CCDC7: variants seen among roughly 807,000 people sequenced by gnomAD.
The protein encoded by CCDC7 is coiled-coil domain containing 7.
CCDC7 carries 183 observed loss-of-function variants against 196.9 expected under a neutral mutation model. The ratio of observed to expected loss-of-function variants is 0.93; its 90% CI spans 0.82 to 1.05. CCDC7 has a LOEUF of 1.05. CCDC7 is among the 50% of genes least tolerant of loss of function. CCDC7 has a pLI of 0.00. For missense variants in CCDC7, 1,540 were observed against 1,482.2 expected (o/e 1.04, Z -0.64); for synonymous variants, 525 against 484.6 (o/e 1.08, Z -1.10).
intron 8 of CCDC7, among the ~76,000 whole-genome samples, chr10:32,480,683 A>T (rs568846158): frequency 6.6e-6 from 1 of 151,962 alleles, no homozygotes; most frequent in Non-Finnish European, 1.5e-5. Flanking sequence ...TCAGTTATTG[A>T]TTTCTAGTTT....
Position 32,787,431 on chromosome 10 carries a change from G to A in CCDC7, c.3013+8347G>A, listed in dbSNP as rs564171844. Among the ~76,000 whole-genome samples, 4 of 152,324 alleles carry A rather than the reference G, an allele frequency of 2.6e-5. No individual in the cohort carries two copies. In the East Asian group the frequency reaches 7.7e-4, roughly 29 times the overall value. ...TAAAGAAACCAGATGAGAGATTACA[G>A]CACTTGAATGTAACGCAGATGTAAG... On this transcript the variant is annotated intron_variant, in intron 29 of 41. Transcript: ENST00000639629.
chr10:32,627,122 C>T (rs1367155079), intron 18 of CCDC7, among the ~76,000 whole-genome samples: 1 of 151,484 alleles, frequency 6.6e-6, no homozygotes, highest in African/African-American at 2.4e-5. Context: ...ATTGCGTTGA[C>T]ACTATAGATT....
At chr10:32,557,983 A>AT (rs2054640475) in intron 13 of CCDC7, among the ~76,000 whole-genome samples, 1 of 152,134 alleles carries the variant, frequency 6.6e-6, no homozygotes, top group South Asian at 2.1e-4. Flanking sequence ...GTGGGCATGC[A>AT]TTTTTTATAG....
At chr10:32,802,924 G>T (rs2085093964) in intron 29 of CCDC7, among the ~76,000 whole-genome samples, 1 of 152,206 alleles carries the variant, frequency 6.6e-6, no homozygotes, top group African/African-American at 2.4e-5. Flanking sequence ...TGCCCACCCA[G>T]ATTGAGAGTG....
chr10:32,705,093 T>A (rs541834730), intron 24 of CCDC7, among the ~76,000 whole-genome samples: 1 of 152,284 alleles, frequency 6.6e-6, no homozygotes, highest in South Asian at 2.1e-4. Flanking sequence ...ATCATTCGTG[T>A]TCTGCATTGC....
intron 30 of CCDC7, among the ~76,000 whole-genome samples, chr10:32,812,232 A>G (rs1044860777): frequency 2.0e-5 from 3 of 152,092 alleles, no homozygotes; most frequent in African/African-American, 7.2e-5. Context: ...TGTATTAACA[A>G]AAAAGAAAAT....
chr10:32,762,815 A>ACTGG (rs2077664030), intron 28 of CCDC7, among the ~76,000 whole-genome samples: 1 of 151,892 alleles, frequency 6.6e-6, no homozygotes, highest in Non-Finnish European at 1.5e-5. Context: ...CTCAAACGCA[A>ACTGG]AATAATGAAA....
At chr10:32,709,604 A>G (rs1192183219) in intron 24 of CCDC7, among the ~76,000 whole-genome samples, 1 of 152,182 alleles carries the variant, frequency 6.6e-6, no homozygotes, top group Non-Finnish European at 1.5e-5. Context: ...GAGCTCAGGC[A>G]GTAATGTGAA....
chr10:32,726,713 T>C (rs781348537), intron 25 of CCDC7, 21 bp from the exon 27 acceptor site: 2 of 1,391,224 alleles, frequency 1.4e-6, no homozygotes, highest in Non-Finnish European at 2.0e-6. Context: ...AATGTATCTC[T>C]TTATGTGGTT....
intron 20 of CCDC7, among the ~76,000 whole-genome samples, chr10:32,648,761 T>G (rs1263511304): frequency 6.6e-6 from 1 of 152,224 alleles, no homozygotes; most frequent in Non-Finnish European, 1.5e-5. Flanking sequence ...TCTCTAACGA[T>G]CAGAGATACT....
chr10:32,510,818 C>T (rs1170273647), intron 9 of CCDC7, among the ~76,000 whole-genome samples: 1 of 151,938 alleles, frequency 6.6e-6, no homozygotes, highest in African/African-American at 2.4e-5. Context: ...ATCAACAAAG[C>T]AGTAATTCCT....
In CCDC7 at chr10:32,615,844, T is replaced by A. The variant is rs374944950; in HGVS notation, c.1802-18410T>A. 3.3e-5 allele frequency among the ~76,000 whole-genome samples: 5 copies of A among 152,280 alleles called. No individual in the cohort carries two copies. In the East Asian group the frequency reaches 5.8e-4, roughly 18 times the overall value. Reference sequence around the variant, plus strand: ...CTTTAATCCATCTTGAGTTAATTTTTGTATATGGTGAGAATTATGGGTCCA... The same window carrying A: ...CTTTAATCCATCTTGAGTTAATTTTAGTATATGGTGAGAATTATGGGTCCA... On this transcript the variant is annotated intron_variant, in intron 18 of 41. Coordinates refer to ENST00000639629, the Ensembl canonical transcript of CCDC7.
chr10:32,561,419 A>G (rs2055596885), intron 13 of CCDC7, among the ~76,000 whole-genome samples: 1 of 152,198 alleles, frequency 6.6e-6, no homozygotes, highest in African/African-American at 2.4e-5. Context: ...TCCTCAGCAA[A>G]TGTAAAAGAA....
Position 32,851,793 on chromosome 10 carries a change from C to G in CCDC7, c.3896-14C>G. On this transcript the variant is annotated splice_polypyrimidine_tract_variant and intron_variant, in intron 39 of 41. Coordinates refer to ENST00000639629, the Ensembl canonical transcript of CCDC7. The stretch of plus-strand genomic sequence containing the variant: ...ATCTATTGTATGGCTAACATATTTT[C>G]CAAATTTTTCTAGAGGAAACTTATG... 5.0e-6 allele frequency: 8 copies of G among 1,604,836 alleles called. No individual in the cohort carries two copies. Among genetic ancestry groups the G allele is most frequent in the Non-Finnish European group, 6.0e-6 (7 of 1,176,148 alleles).
At chr10:32,676,924 T>C (rs1015234072) in intron 21 of CCDC7, among the ~76,000 whole-genome samples, 3 of 152,134 alleles carry the variant, frequency 2.0e-5, no homozygotes, top group Non-Finnish European at 4.4e-5. Context: ...TGCACACATA[T>C]ATTTATTGCG....
chr10:32,708,667 A>T (rs1416932294), intron 24 of CCDC7, among the ~76,000 whole-genome samples: 2 of 152,254 alleles, frequency 1.3e-5, no homozygotes, highest in Non-Finnish European at 2.9e-5. Context: ...GAAGCATATG[A>T]ACAGACACTT....
At chr10:32,814,151 T>C (rs1340465902) in intron 30 of CCDC7, among the ~76,000 whole-genome samples, 1 of 151,842 alleles carries the variant, frequency 6.6e-6, no homozygotes, top group Non-Finnish European at 1.5e-5. Flanking sequence ...AGAGACGGGG[T>C]TTCACCATGT....
At chr10:32,815,339 C>A (rs2088189737) in intron 31 of CCDC7, among the ~76,000 whole-genome samples, 1 of 151,914 alleles carries the variant, frequency 6.6e-6, no homozygotes, top group South Asian at 2.1e-4. Flanking sequence ...TAAAACATTT[C>A]TCAAAGAAGA....
At chr10:32,865,847 G>A (rs933376917) in intron 41 of CCDC7, among the ~76,000 whole-genome samples, 7 of 151,688 alleles carry the variant, frequency 4.6e-5, no homozygotes, top group Non-Finnish European at 1.0e-4. Context: ...AACACATTAA[G>A]GGTAACAGCC....
Sources: gnomAD v4.1 joint callset for allele counts (sites outside exome capture counted in the v4.1 genomes callset) on GRCh38, gnomAD v4.1.1 for gene constraint, MANE v1.5 for transcripts, NCBI Gene and HGNC (gene_info 2026-07-23, HGNC 2026-07-21) for gene names.